Variants in TNIK observed in about 807,000 individuals in gnomAD.
TNIK encodes the protein TRAF2 and NCK interacting kinase, also known as TRAF2 and NCK-interacting protein kinase.
Under a neutral mutation model 191.3 loss-of-function variants are expected in TNIK, and 49 were observed. That is an observed-to-expected ratio of 0.26 (90% CI 0.20 to 0.32). TNIK has a LOEUF of 0.32. Among genes scored for constraint, TNIK ranks in the 10% least tolerant of loss-of-function variants. The pLI is 1.00. For synonymous variants in TNIK, 594 were observed against 600.9 expected, an observed-to-expected ratio of 0.99 and a Z score of 0.17; for missense variants, 1,155 against 1,702.3, an observed-to-expected ratio of 0.68 and a Z score of 5.66.
At chr3:171,442,211 AAAG>A (rs1280336099) in intron 1 of TNIK, among the ~76,000 whole-genome samples, 1 of 152,252 alleles carries the variant, frequency 6.6e-6, no homozygotes, top group Non-Finnish European at 1.5e-5. Flanking sequence ...AGGAAACAGG[AAAG>A]AAGGACAGGG....
intron 28 of TNIK, among the ~76,000 whole-genome samples, chr3:171,076,812 T>A (rs1162725678): frequency 3.3e-5 from 5 of 152,172 alleles, no homozygotes; most frequent in African/African-American, 1.2e-4. Context: ...ATGATTATAA[T>A]GTTATTCCTT....
intron 2 of TNIK, among the ~76,000 whole-genome samples, chr3:171,229,639 C>T (rs1489516616): frequency 6.6e-6 from 1 of 152,190 alleles, no homozygotes; most frequent in African/African-American, 2.4e-5. Context: ...ATTTTCCCCA[C>T]TCCTCTGGCC....
At chr3:171,428,684 C>A (rs989235515) in intron 1 of TNIK, among the ~76,000 whole-genome samples, 3 of 150,106 alleles carry the variant, frequency 2.0e-5, no homozygotes, top group Non-Finnish European at 4.5e-5. Context: ...CCAGCATACT[C>A]TAGTCATCCA....
intron 2 of TNIK, among the ~76,000 whole-genome samples, chr3:171,348,978 T>C (rs1350730215): frequency 6.6e-6 from 1 of 151,716 alleles, no homozygotes; most frequent in Non-Finnish European, 1.5e-5. Flanking sequence ...TAAAATACTT[T>C]AATGAAAAAT....
chr3:171,250,401 C>T (rs1195952371), intron 2 of TNIK, among the ~76,000 whole-genome samples: 1 of 152,188 alleles, frequency 6.6e-6, no homozygotes, highest in East Asian at 1.9e-4. Context: ...GCCCTAGTCC[C>T]CCAAAATATT....
chr3:171,134,446 AATTTTT>A (rs2108606577), intron 15 of TNIK, among the ~76,000 whole-genome samples: 1 of 152,004 alleles, frequency 6.6e-6, no homozygotes, highest in East Asian at 1.9e-4. Flanking sequence ...ATGCCCAGCT[AATTTTT>A]ATTATTATCT....
chr3:171,235,119 G>T (rs1324749540), intron 2 of TNIK, among the ~76,000 whole-genome samples: 1 of 152,156 alleles, frequency 6.6e-6, no homozygotes. Context: ...TCGGCCCACT[G>T]CAATCTCCAC....
At chr3:171,207,061 A>G (rs534118470) in intron 4 of TNIK, among the ~76,000 whole-genome samples, 2 of 152,192 alleles carry the variant, frequency 1.3e-5, no homozygotes, top group South Asian at 2.1e-4. Context: ...AGCCCTGACC[A>G]AAGAAAACAC....
At chr3:171,164,913 C>A (rs940897906) in intron 10 of TNIK, among the ~76,000 whole-genome samples, 1 of 152,208 alleles carries the variant, frequency 6.6e-6, no homozygotes, top group African/African-American at 2.4e-5. Context: ...GATGAGCCAC[C>A]GTTTTGGCCT....
At chr3:171,378,873 T>C (rs927565413) in intron 1 of TNIK, among the ~76,000 whole-genome samples, 10 of 152,220 alleles carry the variant, frequency 6.6e-5, no homozygotes, top group African/African-American at 2.4e-4. Context: ...GTGGCAGAGT[T>C]AAATGAAGAC....
chr3:171,168,692 T>G (rs1410059752), intron 9 of TNIK, among the ~76,000 whole-genome samples: 1 of 152,210 alleles, frequency 6.6e-6, no homozygotes, highest in Non-Finnish European at 1.5e-5. Flanking sequence ...GAATCAGCGT[T>G]GGCCACACTG....
At chr3:171,114,547 CATTT>C (rs1365681598) in intron 18 of TNIK, among the ~76,000 whole-genome samples, 1 of 152,164 alleles carries the variant, frequency 6.6e-6, no homozygotes, top group East Asian at 1.9e-4. Context: ...CTGTCAAAAA[CATTT>C]GATTGAGTAG....
intron 23 of TNIK, among the ~76,000 whole-genome samples, chr3:171,090,935 A>G (rs982411438): frequency 1.2e-4 from 19 of 152,186 alleles, no homozygotes; most frequent in Admixed American, 5.9e-4. Context: ...CATCTTGGAG[A>G]ACTGTACTAA....
intron 2 of TNIK, among the ~76,000 whole-genome samples, chr3:171,260,083 T>C (rs538792910): frequency 5.5e-4 from 83 of 152,276 alleles, no homozygotes; most frequent in Admixed American, 1.2e-3. Context: ...ATCCCTGTTA[T>C]CTGATTATGT....
At chr3:171,203,705 T>C (rs1455538534) in intron 4 of TNIK, among the ~76,000 whole-genome samples, 1 of 152,236 alleles carries the variant, frequency 6.6e-6, no homozygotes, top group Admixed American at 6.5e-5. Context: ...TCTAATATTA[T>C]CATTTTTATA....
intron 1 of TNIK, among the ~76,000 whole-genome samples, chr3:171,458,790 C>T (rs1188293663): frequency 6.6e-6 from 1 of 152,216 alleles, no homozygotes; most frequent in African/African-American, 2.4e-5. Context: ...AATTCCTTCT[C>T]ATCCACCCTC....
intron 2 of TNIK, among the ~76,000 whole-genome samples, chr3:171,357,843 A>G (rs995609579): frequency 3.9e-5 from 6 of 152,194 alleles, no homozygotes; most frequent in Admixed American, 6.5e-5. Context: ...AATGCCCCGC[A>G]ATGTGCTACC....
chr3:171,319,603 CA>C (rs1560422494), intron 2 of TNIK, among the ~76,000 whole-genome samples: 2 of 152,054 alleles, frequency 1.3e-5, no homozygotes, highest in East Asian at 3.9e-4. Flanking sequence ...ACCCGACAGA[CA>C]AATTTTAAAC....
chr3:171,286,932 A>C (rs1419960616), intron 2 of TNIK, among the ~76,000 whole-genome samples: 1 of 152,186 alleles, frequency 6.6e-6, no homozygotes, highest in East Asian at 1.9e-4. Context: ...CTAGAATTTT[A>C]CTTTTTGTAT....
Sources: allele counts gnomAD v4.1 joint callset (sites outside exome capture counted in the v4.1 genomes callset), GRCh38; gene constraint gnomAD v4.1.1; transcripts MANE v1.5; gene names NCBI Gene and HGNC (gene_info 2026-07-23, HGNC 2026-07-21).